The following ELAVL3 variants were observed in gnomAD, a reference collection of about 807,000 sequenced individuals.
The protein encoded by ELAVL3 is ELAV-like protein 3.
Under a neutral mutation model 34.2 loss-of-function variants are expected in ELAVL3, and 8 were observed. The observed-to-expected ratio is 0.23, with a 90% CI of 0.14 to 0.42. The LOEUF (loss-of-function observed/expected upper bound fraction) is 0.42, where lower values mean the gene tolerates loss of function less well. ELAVL3 is among the 10% of genes least tolerant of loss of function. The pLI is 1.00. For missense variants in ELAVL3, 273 were observed against 518.8 expected (o/e 0.53, Z 4.60); for synonymous variants, 209 against 222.1 (o/e 0.94, Z 0.53).
Position 11,457,144 on chromosome 19 carries a change from C to A in ELAVL3, c.718G>T (p.Asp240Tyr). Residue 240 changes from aspartate (D) to tyrosine (Y), a missense_variant, in exon 6 of 7, where the codon GAC (aspartate) becomes TAC (tyrosine). By Grantham distance (160) the Asp-to-Tyr change is radical. Coordinates refer to ENST00000359227, the MANE Select transcript of ELAVL3 (RefSeq NM_001420.4). Reference protein sequence around the residue: ...LHHQTQRFRLDNLLNMAYGVK... With the variant: ...LHHQTQRFRLYNLLNMAYGVK... ...CCGTAGGCCATGTTGAGCAAATTGT[C>A]CAGCCTGTGGAGGCAGAGGTGGTGG... 6.5e-7 allele frequency: 1 copy of A among 1,550,132 alleles called. No homozygotes were observed.
intron 3 of ELAVL3, among the ~76,000 whole-genome samples, chr19:11,463,968 CA>C (rs945775123): frequency 1.6e-4 from 23 of 141,292 alleles, no homozygotes; most frequent in African/African-American, 5.5e-4. Context: ...GACTCTGTCT[CA>C]AAAAAAACCC....
At position 11,454,289 on chromosome 19, in the gene ELAVL3, G is replaced by C; in HGVS notation, c.*237C>G. The C allele has an allele frequency of 1.9e-6, 1 of 539,588 alleles. No homozygotes were observed. The highest frequency in any genetic ancestry group is 3.3e-6 in the Non-Finnish European group (1 of 303,994). The allele number at this position is 539,588 out of a possible 1,614,324, so 33.4% of individuals were successfully genotyped here. A position where few individuals can be genotyped will look rare whatever the true frequency, so the allele number is the denominator to read the frequency against. On this transcript the variant is annotated 3_prime_UTR_variant, in exon 7 of 7. Coordinates refer to ENST00000359227, the MANE Select transcript of ELAVL3 (RefSeq NM_001420.4). This position sits in a 1 kb window ranked among gnomAD's most constrained non-coding sequence, Gnocchi z 9.2. ...CCAAGACGAGAGAGTGAACAGCCCA[G>C]CCTGGGGTGGGGGCAGGAGGATGGG...
At chr19:11,456,995 C>T in intron 6 of ELAVL3, 115 bp downstream of exon 6, 1 of 981,966 alleles carries the variant, frequency 1.0e-6, no homozygotes, top group Non-Finnish European at 1.4e-6. Context: ...GGCCATGCTA[C>T]TCCAAGACCC....
intron 3 of ELAVL3, among the ~76,000 whole-genome samples, chr19:11,462,729 G>C (rs1970914671): frequency 6.6e-6 from 1 of 151,590 alleles, no homozygotes; most frequent in Non-Finnish European, 1.5e-5. Flanking sequence ...AGGCTTGAGG[G>C]GGGTGGATGA....
At chr19:11,471,902 G>T (rs1971171724) in intron 1 of ELAVL3, among the ~76,000 whole-genome samples, 1 of 152,202 alleles carries the variant, frequency 6.6e-6, no homozygotes, top group Non-Finnish European at 1.5e-5. Flanking sequence ...ATGTAGAGGA[G>T]AATTTTAAAG....
Position 11,451,685 on chromosome 19 carries a change from G to C in ELAVL3, c.*2841C>G, listed in dbSNP as rs1238904776. ...CCCCCTCGCCTGGGAGCCCCGGCCT[G>C]GCCCCCTGCGGGGAGGGGCTGGCCT... On this transcript the variant is annotated 3_prime_UTR_variant, in exon 7 of 7. Coordinates refer to ENST00000359227, the MANE Select transcript of ELAVL3 (RefSeq NM_001420.4). 6.6e-6 allele frequency: 1 copy of C among 151,712 alleles called. No homozygotes were observed. Among genetic ancestry groups the C allele is most frequent in the Non-Finnish European group, 1.5e-5 (1 of 67,802 alleles). The allele number at this position is 151,712 out of a possible 1,614,324, so 9.4% of individuals were successfully genotyped here. A position where few individuals can be genotyped will look rare whatever the true frequency, so the allele number is the denominator to read the frequency against.
Position 11,480,151 on chromosome 19 carries a change from G to T in ELAVL3, c.9+449C>A, listed in dbSNP as rs1244915874. The T allele has an allele frequency of 6.3e-6, 1 of 158,048 alleles. No homozygotes were observed. The highest frequency in any genetic ancestry group is 2.4e-5 in the African/African-American group (1 of 41,692). The allele number at this position is 158,048 out of a possible 1,614,324, so 9.8% of individuals were successfully genotyped here. On this transcript the variant is annotated intron_variant, in intron 1 of 6. Coordinates refer to ENST00000359227, the MANE Select transcript of ELAVL3 (RefSeq NM_001420.4). This position sits in a 1 kb window ranked among gnomAD's most constrained non-coding sequence, Gnocchi z 6.8. ...GCCTCCCGGGTGCGGCCGAGGCCCG[G>T]GGCGCGCGATCCGACGCCACCCGCT...
rs974438451 is a variant in ELAVL3 at position 11,451,588 on chromosome 19, G to A, written c.*2938C>T. On this transcript the variant is annotated 3_prime_UTR_variant, in exon 7 of 7. Coordinates refer to ENST00000359227, the MANE Select transcript of ELAVL3 (RefSeq NM_001420.4). Reference sequence around the variant, plus strand: ...TTCCGAATAAATAACAGGATGAAGGGAGGGGTGGAGGGGCTGAGCCCCCTC... The same window carrying A: ...TTCCGAATAAATAACAGGATGAAGGAAGGGGTGGAGGGGCTGAGCCCCCTC... 1 of 151,028 alleles carries A rather than the reference G, an allele frequency of 6.6e-6. No individual in the cohort carries two copies. The highest frequency in any genetic ancestry group is 2.4e-5 in the African/African-American group (1 of 41,094). 9.4% of individuals were successfully genotyped at this position (151,028 alleles called of 1,614,324 possible). A position where few individuals can be genotyped will look rare whatever the true frequency, so the allele number is the denominator to read the frequency against.
At chr19:11,462,062 C>G (rs1472797301) in intron 3 of ELAVL3, among the ~76,000 whole-genome samples, 1 of 151,144 alleles carries the variant, frequency 6.6e-6, no homozygotes, top group Non-Finnish European at 1.5e-5. Flanking sequence ...GTAATCCCAG[C>G]TACTCGGGAG....
chr19:11,480,497 A>C lies in ELAVL3; in HGVS notation c.9+103T>G. 1.9e-6 allele frequency: 2 copies of C among 1,037,368 alleles called. No homozygotes were observed. Among genetic ancestry groups the C allele is most frequent in the Non-Finnish European group, 2.6e-6 (2 of 761,446 alleles). The allele number at this position is 1,037,368 out of a possible 1,614,324, so 64.3% of individuals were successfully genotyped here. Reference sequence around the variant, plus strand: ...CTACCCCCCCAACCCGGGCCTAGCTAGGCCTGGTCCTACCCCCCCCGCCGC... The same window carrying C: ...CTACCCCCCCAACCCGGGCCTAGCTCGGCCTGGTCCTACCCCCCCCGCCGC... On this transcript the variant is annotated intron_variant, in intron 1 of 6. Transcript: ENST00000359227. The surrounding 1 kb of genome is among the most constrained non-coding windows in gnomAD (Gnocchi z 6.8).
chr19:11,465,041 A>G (rs1379912147), intron 3 of ELAVL3, among the ~76,000 whole-genome samples: 15 of 113,884 alleles, frequency 1.3e-4, no homozygotes, highest in Non-Finnish European at 2.2e-4. Flanking sequence ...CACACACACC[A>G]CACACATACA....
chr19:11,467,776 G>A lies in ELAVL3; in HGVS notation c.10-949C>T, dbSNP rs574027296. ...TGGGATTACAGGCGTGAACCACCGC[G>A]TCTGGCCCCATTTTTAGTAGCTTTT... is the stretch of plus-strand genomic sequence containing the variant. On this transcript the variant is annotated intron_variant, in intron 1 of 6. Coordinates refer to ENST00000359227, the MANE Select transcript of ELAVL3 (RefSeq NM_001420.4). 1.1e-4 allele frequency among the ~76,000 whole-genome samples: 16 copies of A among 150,802 alleles called. No homozygotes were observed. In the South Asian group the frequency reaches 2.1e-3, roughly 20 times the overall value.
chr19:11,459,093 G>A (rs1350438062), intron 3 of ELAVL3, among the ~76,000 whole-genome samples: 2 of 149,722 alleles, frequency 1.3e-5, no homozygotes, highest in Non-Finnish European at 3.0e-5. Context: ...GACTACAGGC[G>A]CCCACCACCA....
At position 11,480,581 on chromosome 19, in the gene ELAVL3, G is replaced by T; in HGVS notation, c.9+19C>A. On this transcript the variant is annotated intron_variant, in intron 1 of 6. Transcript: ENST00000359227. This position sits in a 1 kb window ranked among gnomAD's most constrained non-coding sequence, Gnocchi z 6.8. ...TCCTCCCCGTCCCGATTCCCTTTCG[G>T]CGACAGGGGAATACCTACAGTGACC... 1 of 1,506,986 alleles carries T rather than the reference G, an allele frequency of 6.6e-7. No homozygotes were observed. Among genetic ancestry groups the T allele is most frequent in the East Asian group, 2.7e-5 (1 of 37,198 alleles). 93.4% of individuals were successfully genotyped at this position (1,506,986 alleles called of 1,614,324 possible).
intron 1 of ELAVL3, among the ~76,000 whole-genome samples, chr19:11,477,691 A>ATTT (rs963586249): frequency 5.0e-5 from 6 of 120,174 alleles, no homozygotes; most frequent in Admixed American, 8.7e-5. Flanking sequence ...CTAGATCCCT[A>ATTT]TTTTTTTTTT....
At position 11,466,648 on chromosome 19, in the gene ELAVL3, G is replaced by T. The variant is rs201699947; in HGVS notation, c.189C>A (p.Gly63=). Residue 63 remains glycine (G), a synonymous_variant, in exon 2 of 7, where the codon GGC becomes GGA. Transcript: ENST00000359227. The surrounding 1 kb of genome is among the most constrained non-coding windows in gnomAD (Gnocchi z 5.0). ...GAACCAACTTGCAGGACTCGATGTC[G>T]CCAATGCTGCCGAAGAGACTCTTGA... The part of the protein sequence containing the change: ...DEFKSLFGSI[G]DIESCKLVRD... The T allele has an allele frequency of 2.5e-6, 4 of 1,614,064 alleles. No individual in the cohort carries two copies. The highest frequency in any genetic ancestry group is 3.4e-6 in the Non-Finnish European group (4 of 1,180,042).
intron 6 of ELAVL3, 105 bp downstream of exon 6, chr19:11,457,005 C>T: frequency 9.2e-7 from 1 of 1,091,308 alleles, no homozygotes; most frequent in South Asian, 2.0e-5. Context: ...CTCCAAGACC[C>T]AGGCAAACAA....
At position 11,458,180 on chromosome 19, in the gene ELAVL3, G is replaced by A. The variant is rs1421284541; in HGVS notation, c.594C>T (p.Ile198=). 6.2e-7 allele frequency: 1 copy of A among 1,614,196 alleles called. No homozygotes were observed. The highest frequency in any genetic ancestry group is 8.5e-7 in the Non-Finnish European group (1 of 1,180,036). The change falls in exon 5 of 7, where the codon ATC becomes ATT. Residue 198 remains isoleucine (I), a synonymous_variant. Transcript: ENST00000359227. The surrounding 1 kb of genome is among the most constrained non-coding windows in gnomAD (Gnocchi z 7.3). ...TTGGGTTGTTCGCGAACTTGACTGT[G>A]ATGGGCTCAGCTGCGCCCAGCGGCT... The part of the protein sequence containing the change: ...GQKPLGAAEP[I]TVKFANNPSQ...
At chr19:11,470,227 C>T (rs752973127) in intron 1 of ELAVL3, among the ~76,000 whole-genome samples, 10 of 151,918 alleles carry the variant, frequency 6.6e-5, no homozygotes, top group African/African-American at 9.7e-5. Context: ...TGGTGGCACA[C>T]GCCTGTAATC....
Sources: allele counts gnomAD v4.1 joint callset (sites outside exome capture counted in the v4.1 genomes callset), GRCh38; gene constraint gnomAD v4.1.1; non-coding constraint Gnocchi (gnomAD v3.1); transcripts MANE v1.5; gene names NCBI Gene and HGNC (gene_info 2026-07-23, HGNC 2026-07-21).